Variants in SNX18 observed in about 807,000 individuals in gnomAD.
SNX18 encodes sorting nexin 18, also known as sorting nexin-18.
Under a neutral mutation model 48.7 loss-of-function variants are expected in SNX18, and 35 were observed. The observed-to-expected ratio is 0.72, with a 90% CI of 0.55 to 0.95. SNX18 has a LOEUF of 0.95. SNX18 is among the 40% of genes least tolerant of loss of function. The pLI is 0.00. For synonymous variants in SNX18, 492 were observed against 384.7 expected (o/e 1.28, Z -3.26); for missense variants, 824 against 871.0 (o/e 0.95, Z 0.68).
rs1024548693 is a variant in SNX18 at position 54,518,022 on chromosome 5, C to T, written c.70C>T (p.His24Tyr). 4.5e-6 allele frequency: 7 copies of T among 1,548,588 alleles called. No homozygotes were observed. In the African/African-American group the frequency reaches 7.1e-5, roughly 16 times the overall value. ...CCCAGGAGAGATCTCGCTGCGAGAGCACGAGGTGCTGAGCCTGTGCAGCGA... is the reference window on the plus strand; with the variant it reads ...CCCAGGAGAGATCTCGCTGCGAGAGTACGAGGTGCTGAGCCTGTGCAGCGA... ...ENPGEISLRE[H>Y]EVLSLCSEQD... The change falls in exon 1 of 2, where the codon CAC becomes TAC. Residue 24 changes from histidine to tyrosine, a missense_variant. His to Tyr is a moderately conservative substitution (Grantham distance 83). Around this residue, in one of 3 missense-constraint regions of SNX18, gnomAD observed 377 missense variants for 350.6 expected, o/e 1.08. Transcript: ENST00000381410.
the SNX18 span, among the ~76,000 whole-genome samples, chr5:54,639,904 G>A: frequency 6.6e-6 from 1 of 152,190 alleles, no homozygotes; most frequent in African/African-American, 2.4e-5. Flanking sequence ...AAAGTAAGCT[G>A]TGGGCCCACG....
chr5:54,622,772 C>A, the SNX18 span, among the ~76,000 whole-genome samples: 1 of 151,778 alleles, frequency 6.6e-6, no homozygotes, highest in Non-Finnish European at 1.5e-5. Flanking sequence ...TAACAAGAAG[C>A]CAATTCGTAA....
At chr5:54,526,333 C>T (rs767126133) in intron 1 of SNX18, among the ~76,000 whole-genome samples, 1 of 152,034 alleles carries the variant, frequency 6.6e-6, no homozygotes, top group South Asian at 2.1e-4. Flanking sequence ...GTCTTGAACT[C>T]CTGACCTCAA....
chr5:54,626,435 C>A, the SNX18 span, among the ~76,000 whole-genome samples: 1 of 152,168 alleles, frequency 6.6e-6, no homozygotes, highest in Non-Finnish European at 1.5e-5. Flanking sequence ...GGATTACAGG[C>A]ATGAGCCACT....
the SNX18 span, among the ~76,000 whole-genome samples, chr5:54,586,075 C>A: frequency 6.6e-6 from 1 of 151,958 alleles, no homozygotes; most frequent in Admixed American, 6.5e-5. Flanking sequence ...TTTCCACAGG[C>A]CAAGGGAAGT....
At chr5:54,591,044 C>T in the SNX18 span, among the ~76,000 whole-genome samples, 1 of 152,116 alleles carries the variant, frequency 6.6e-6, no homozygotes, top group African/African-American at 2.4e-5. Context: ...CCCCTGATGT[C>T]CTCATCTCTC....
the SNX18 span, among the ~76,000 whole-genome samples, chr5:54,576,210 C>T: frequency 1.5e-3 from 234 of 152,232 alleles, 1 homozygote; most frequent in African/African-American, 5.5e-3. Context: ...AGCTGAGGCC[C>T]CAGACAAGCC....
the SNX18 span, among the ~76,000 whole-genome samples, chr5:54,574,286 G>A: frequency 1.9e-4 from 29 of 152,312 alleles, no homozygotes; most frequent in African/African-American, 6.0e-4. Context: ...GTGGCTGGGC[G>A]CTAAGAGGAG....
the SNX18 span, among the ~76,000 whole-genome samples, chr5:54,606,956 C>G: frequency 6.6e-6 from 1 of 152,134 alleles, no homozygotes; most frequent in African/African-American, 2.4e-5. Flanking sequence ...CATTTACAAC[C>G]ACTCCTACCT....
the SNX18 span, among the ~76,000 whole-genome samples, chr5:54,595,117 G>A: frequency 4.6e-5 from 7 of 152,138 alleles, no homozygotes; most frequent in African/African-American, 1.7e-4. Flanking sequence ...ATTATGAATA[G>A]TGCTACAATA....
At chr5:54,616,363 A>G in the SNX18 span, among the ~76,000 whole-genome samples, 1 of 150,534 alleles carries the variant, frequency 6.6e-6, no homozygotes, top group Admixed American at 6.7e-5. Context: ...GGTGGTTCTT[A>G]TCTATTTAAT....
At chr5:54,635,253 T>C in the SNX18 span, among the ~76,000 whole-genome samples, 1 of 151,402 alleles carries the variant, frequency 6.6e-6, no homozygotes, top group East Asian at 1.9e-4. Context: ...TAATTATTAT[T>C]ATTAATATTA....
chr5:54,633,911 T>C, the SNX18 span, among the ~76,000 whole-genome samples: 3 of 152,214 alleles, frequency 2.0e-5, no homozygotes, highest in Non-Finnish European at 4.4e-5. Context: ...ACACTTATTT[T>C]ATTGTTGGCT....
chr5:54,532,659 A>G (rs754654881), intron 1 of SNX18, among the ~76,000 whole-genome samples: 17 of 152,146 alleles, frequency 1.1e-4, no homozygotes, highest in Non-Finnish European at 1.9e-4. Context: ...ACACTTCTCA[A>G]ATAAAGACAC....
At chr5:54,593,135 GA>G in the SNX18 span, among the ~76,000 whole-genome samples, 7 of 152,172 alleles carry the variant, frequency 4.6e-5, no homozygotes, top group South Asian at 2.1e-4. Flanking sequence ...GCTGCTCTAT[GA>G]AAAAAATTCT....
intron 1 of SNX18, among the ~76,000 whole-genome samples, chr5:54,524,276 C>T (rs949900472): frequency 7.2e-5 from 11 of 152,156 alleles, no homozygotes; most frequent in African/African-American, 2.7e-4. Flanking sequence ...TGGGTGTGGG[C>T]ACCGCTCATA....
the SNX18 span, among the ~76,000 whole-genome samples, chr5:54,584,221 T>C: frequency 6.6e-6 from 1 of 151,980 alleles, no homozygotes; most frequent in Non-Finnish European, 1.5e-5. Flanking sequence ...TGGTTAATTT[T>C]TTATATTTTA....
At chr5:54,571,662 C>T in the SNX18 span, among the ~76,000 whole-genome samples, 1 of 152,198 alleles carries the variant, frequency 6.6e-6, no homozygotes, top group Admixed American at 6.5e-5. Context: ...TTCCCCTTTT[C>T]TCTTGGTGTG....
the SNX18 span, among the ~76,000 whole-genome samples, chr5:54,563,701 G>C: frequency 1.3e-5 from 2 of 152,126 alleles, no homozygotes. Context: ...TTGTGACTCT[G>C]GCAGTCTGAT....
Sources: allele counts gnomAD v4.1 joint callset (sites outside exome capture counted in the v4.1 genomes callset), GRCh38; gene constraint gnomAD v4.1.1; regional missense constraint gnomAD v4.1.1; transcripts MANE v1.5; gene names NCBI Gene and HGNC (gene_info 2026-07-23, HGNC 2026-07-21).